PELO: variants seen among roughly 807,000 people sequenced by gnomAD.
PELO encodes pelota mRNA surveillance and ribosome rescue factor, also known as protein pelota homolog.
A neutral mutation model predicts 25.9 loss-of-function variants in PELO; 19 were observed. The ratio of observed to expected loss-of-function variants is 0.73; its 90% CI spans 0.51 to 1.08. The LOEUF (loss-of-function observed/expected upper bound fraction) is 1.08, where lower values mean the gene tolerates loss of function less well. PELO is among the 50% of genes least tolerant of loss of function. The pLI is 0.00. For synonymous variants in PELO, 196 were observed against 192.2 expected (o/e 1.02, Z -0.16); for missense variants, 498 against 491.4 (o/e 1.01, Z -0.13).
chr5:52,790,494 G>A (rs1247294536), intron 1 of PELO, among the ~76,000 whole-genome samples: 3 of 152,198 alleles, frequency 2.0e-5, no homozygotes, highest in Admixed American at 6.5e-5. Flanking sequence ...TTCTTCTGGA[G>A]GTTCTAGGGG....
chr5:52,792,340 G>C (rs187618203), intron 1 of PELO, among the ~76,000 whole-genome samples: 54 of 152,272 alleles, frequency 3.5e-4, no homozygotes, highest in Admixed American at 3.4e-3. Context: ...ACAATGTATT[G>C]TCAGGAATTG....
In PELO at chr5:52,788,374, C is replaced by T. The variant is rs1238986677; in HGVS notation, c.-551C>T. 1 of 1,512,844 alleles carries T rather than the reference C, an allele frequency of 6.6e-7. No homozygotes were observed. 93.7% of individuals were successfully genotyped at this position (1,512,844 alleles called of 1,614,324 possible). On this transcript the variant is annotated 5_prime_UTR_variant, in exon 1 of 3. Transcript: ENST00000274311. ...CGGCCATGGCCCCTCGGCCCCGCGC[C>T]CGCCCAGGGGTCGCTGTCGCCTGCT...
chr5:52,791,899 A>G (rs1369691521), intron 1 of PELO, among the ~76,000 whole-genome samples: 1 of 152,230 alleles, frequency 6.6e-6, no homozygotes, highest in Non-Finnish European at 1.5e-5. Flanking sequence ...TACTCAATTC[A>G]TATCTCTGAC....
rs1748467341 is a variant in PELO, at chr5:52,800,983, A to G, written c.589A>G (p.Ile197Val). 1 of 1,614,196 alleles carries G rather than the reference A, an allele frequency of 6.2e-7. No individual in the cohort carries two copies. Among genetic ancestry groups the G allele is most frequent in the Non-Finnish European group, 8.5e-7 (1 of 1,180,032 alleles). ...EQVVQAIQRH[I>V]HFDVVKCILV... ...GGTGGTCCAGGCTATCCAGCGCCAC[A>G]TACACTTTGATGTTGTAAAGTGCAT... Residue 197 changes from isoleucine (I) to valine (V), a missense_variant, in exon 2 of 3, where the codon ATA becomes GTA. Coordinates refer to ENST00000274311, the MANE Select transcript of PELO (RefSeq NM_015946.5).
chr5:52,797,705 G>A (rs1271463655), intron 1 of PELO, among the ~76,000 whole-genome samples: 1 of 152,108 alleles, frequency 6.6e-6, no homozygotes, highest in East Asian at 1.9e-4. Flanking sequence ...GAGAGGGTAT[G>A]GAGTTATGCA....
intron 1 of PELO, among the ~76,000 whole-genome samples, chr5:52,793,300 A>G (rs991164469): frequency 1.2e-4 from 18 of 152,212 alleles, no homozygotes; most frequent in African/African-American, 4.3e-4. Context: ...GACTATTGAC[A>G]AACTCAGAAA....
At chr5:52,799,131 C>G (rs369323575) in intron 1 of PELO, among the ~76,000 whole-genome samples, 9 of 152,176 alleles carry the variant, frequency 5.9e-5, no homozygotes, top group African/African-American at 2.2e-4. Flanking sequence ...GTGTGCAGGA[C>G]TTCTCTGCCC....
intron 1 of PELO, among the ~76,000 whole-genome samples, chr5:52,799,032 T>C (rs1748400594): frequency 6.6e-6 from 1 of 152,134 alleles, no homozygotes; most frequent in South Asian, 2.1e-4. Context: ...TCAGATTCCT[T>C]CCTTTCATCC....
In PELO at chr5:52,800,785, C is replaced by G. The variant is rs144148189; in HGVS notation, c.391C>G (p.Pro131Ala). 2.9e-5 allele frequency: 47 copies of G among 1,613,740 alleles called. No individual in the cohort carries two copies. The highest frequency in any genetic ancestry group is 3.9e-5 in the Non-Finnish European group (46 of 1,179,852). The change falls in exon 2 of 3, where the codon CCA becomes GCA. Residue 131 changes from proline (P) to alanine (A), a missense_variant. Pro to Ala is a conservative substitution (Grantham distance 27). Coordinates refer to ENST00000274311, the MANE Select transcript of PELO (RefSeq NM_015946.5). ...VLERIEQACDPAWSADVAAVV... is the reference protein window; with the variant it reads ...VLERIEQACDAAWSADVAAVV... ...GGAGCGCATCGAGCAGGCCTGTGAC[C>G]CAGCCTGGAGCGCTGATGTGGCGGC...
rs755541352 is a variant in PELO, at chr5:52,801,527, A to G, written c.845A>G (p.Tyr282Cys). ...GAAGTCAAAGCCTTGGATGACTTCT[A>G]TAAAATGTTACAGCATGAACCGGAT... The part of the protein sequence containing the change: ...AGEVKALDDF[Y>C]KMLQHEPDRA... The change falls in exon 3 of 3, where the codon TAT becomes TGT. Residue 282 changes from tyrosine (Y) to cysteine (C), a missense_variant. By Grantham distance (194) the Tyr-to-Cys change is radical. Coordinates refer to ENST00000274311, the MANE Select transcript of PELO (RefSeq NM_015946.5). 12 of 1,614,090 alleles carry G rather than the reference A, an allele frequency of 7.4e-6. No individual in the cohort carries two copies. The highest frequency in any genetic ancestry group is 1.0e-5 in the Non-Finnish European group (12 of 1,180,028).
chr5:52,800,420 A>G lies in PELO; in HGVS notation c.26A>G (p.Glu9Gly). The change falls in exon 2 of 3, where the codon GAG (glutamate) becomes GGG (glycine). Residue 9 changes from glutamate to glycine, a missense_variant. Physicochemically the swap from Glu to Gly is moderately conservative, Grantham distance 98. Coordinates refer to ENST00000274311, the MANE Select transcript of PELO (RefSeq NM_015946.5). ...ATGAAGCTCGTGAGGAAGAACATCG[A>G]GAAGGACAATGCGGGCCAGGTGACC... Reference protein sequence around the residue: MKLVRKNIEKDNAGQVTLV... With the variant: MKLVRKNIGKDNAGQVTLV... The G allele has an allele frequency of 1.2e-6, 2 of 1,614,000 alleles. No homozygotes were observed. The highest frequency in any genetic ancestry group is 1.7e-6 in the Non-Finnish European group (2 of 1,180,022).
Position 52,800,892 on chromosome 5 carries a change from C to T in PELO, c.498C>T (p.Asn166=), listed in dbSNP as rs765033407. The change falls in exon 2 of 3, where the codon AAC becomes AAT. Residue 166 remains asparagine, a synonymous_variant. Transcript: ENST00000274311. ...TCACTCGGGCCAAGGTGGAGGTGAA[C>T]ATCCCTAGGAAAAGGAAAGGCAATT... ...MTLTRAKVEV[N]IPRKRKGNCS... 7 of 1,613,034 alleles carry T rather than the reference C, an allele frequency of 4.3e-6. No homozygotes were observed. In the East Asian group the frequency reaches 6.7e-5, roughly 15 times the overall value.
intron 1 of PELO, among the ~76,000 whole-genome samples, chr5:52,794,250 C>T (rs1748296178): frequency 6.6e-6 from 1 of 151,422 alleles, no homozygotes; most frequent in Non-Finnish European, 1.5e-5. Flanking sequence ...TTAAATATAG[C>T]ACCTAAGTCA....
At position 52,801,750 on chromosome 5, in the gene PELO, C is replaced by T; in HGVS notation, c.1068C>T (p.Leu356=). Residue 356 remains leucine (L), a synonymous_variant, in exon 3 of 3, where the codon CTC becomes CTT. Coordinates refer to ENST00000274311, the MANE Select transcript of PELO (RefSeq NM_015946.5). ...FSSLHVSGEQ[L]SQLTGVAAIL... is the part of the protein sequence containing the mutation. ...GTCTTCACGTTTCTGGGGAACAGCT[C>T]AGCCAGTTGACTGGGGTAGCTGCCA... The T allele has an allele frequency of 3.7e-6, 6 of 1,614,036 alleles. No individual in the cohort carries two copies. The South Asian group carries it at 5.5e-5, about 15-fold the overall frequency.
rs1454768728 is a variant in PELO at position 52,801,522 on chromosome 5, C to T, written c.840C>T (p.Asp280=). Residue 280 remains aspartate (D), a synonymous_variant, in exon 3 of 3, where the codon GAC becomes GAT. Transcript: ENST00000274311. ...KAAGEVKALD[D]FYKMLQHEPD... ...CTGGGGAAGTCAAAGCCTTGGATGA[C>T]TTCTATAAAATGTTACAGCATGAAC... 6.2e-7 allele frequency: 1 copy of T among 1,614,136 alleles called. No individual in the cohort carries two copies. Among genetic ancestry groups the T allele is most frequent in the African/African-American group, 1.3e-5 (1 of 75,026 alleles).
At chr5:52,795,310 T>C (rs1452593762) in intron 1 of PELO, among the ~76,000 whole-genome samples, 1 of 151,796 alleles carries the variant, frequency 6.6e-6, no homozygotes, top group African/African-American at 2.4e-5. Flanking sequence ...AGGTGCTTTA[T>C]AAGGAATAAC....
In PELO at chr5:52,801,878, T is replaced by G; in HGVS notation, c.*38T>G. 2 of 1,460,998 alleles carry G rather than the reference T, an allele frequency of 1.4e-6. No individual in the cohort carries two copies. The highest frequency in any genetic ancestry group is 1.9e-6 in the Non-Finnish European group (2 of 1,076,774). 90.5% of individuals were successfully genotyped at this position (1,460,998 alleles called of 1,614,324 possible). ...AAAATTGAGACAATCTTGTGTTTCC[T>G]AAACTGTTACAGTACATTTCTCAGC... On this transcript the variant is annotated 3_prime_UTR_variant, in exon 3 of 3. Transcript: ENST00000274311.
At position 52,800,268 on chromosome 5, in the gene PELO, C is replaced by G. The variant is rs1748439390; in HGVS notation, c.-127C>G. On this transcript the variant is annotated 5_prime_UTR_variant, in exon 2 of 3. Coordinates refer to ENST00000274311, the MANE Select transcript of PELO (RefSeq NM_015946.5). ...TCGAAGCAAGCGTGTTTCCTTCCCG[C>G]CAGGCAAGTGCCCTTAGAAACCGGG... 2.1e-6 allele frequency: 2 copies of G among 932,494 alleles called. No individual in the cohort carries two copies. The highest frequency in any genetic ancestry group is 1.6e-6 in the Non-Finnish European group (1 of 609,726). 57.8% of individuals were successfully genotyped at this position (932,494 alleles called of 1,614,324 possible).
chr5:52,800,060 G>T lies in PELO; in HGVS notation c.-335G>T, dbSNP rs1748426925. The T allele has an allele frequency of 3.1e-6, 1 of 321,048 alleles. No individual in the cohort carries two copies. Among genetic ancestry groups the T allele is most frequent in the African/African-American group, 2.2e-5 (1 of 46,280 alleles). The allele number at this position is 321,048 out of a possible 1,614,324, so 19.9% of individuals were successfully genotyped here. A position where few individuals can be genotyped will look rare whatever the true frequency, so the allele number is the denominator to read the frequency against. On this transcript the variant is annotated 5_prime_UTR_variant, in exon 2 of 3. Coordinates refer to ENST00000274311, the MANE Select transcript of PELO (RefSeq NM_015946.5). ...TCTCCTTTGGGGACGGGAGACGTGC[G>T]TCGGGTCGCGGGACGGGGGCTGCGC...
Sources: allele counts gnomAD v4.1 joint callset (sites outside exome capture counted in the v4.1 genomes callset), GRCh38; gene constraint gnomAD v4.1.1; transcripts MANE v1.5; gene names NCBI Gene and HGNC (gene_info 2026-07-23, HGNC 2026-07-21).